MEIKIN: variants seen among roughly 807,000 people sequenced by gnomAD.
The protein encoded by MEIKIN is meiosis-specific kinetochore protein.
At chr5:131,885,130 G>A (rs1750757343) in intron 8 of MEIKIN, among the ~76,000 whole-genome samples, 1 of 152,156 alleles carries the variant, frequency 6.6e-6, no homozygotes, top group Non-Finnish European at 1.5e-5. Context: ...AAGGACATAA[G>A]CTTAGTTGGC....
At chr5:131,864,083 G>A (rs1358532761) in intron 9 of MEIKIN, among the ~76,000 whole-genome samples, 1 of 152,064 alleles carries the variant, frequency 6.6e-6, no homozygotes, top group Non-Finnish European at 1.5e-5. Flanking sequence ...CTTGTAGGCA[G>A]CATATAGTTG....
At chr5:131,896,042 T>C (rs1016102165) in intron 8 of MEIKIN, among the ~76,000 whole-genome samples, 3 of 152,232 alleles carry the variant, frequency 2.0e-5, no homozygotes, top group Non-Finnish European at 4.4e-5. Context: ...AATTGCCCTC[T>C]ACATACTGCT....
chr5:131,873,472 A>C (rs569144749), intron 9 of MEIKIN, among the ~76,000 whole-genome samples: 2 of 152,364 alleles, frequency 1.3e-5, no homozygotes, highest in Admixed American at 1.3e-4. Flanking sequence ...ATATGCACCC[A>C]ATATAGGAGC....
Position 131,927,467 on chromosome 5 carries a change from T to C in MEIKIN, c.479-5526A>G, listed in dbSNP as rs77388663. On this transcript the variant is annotated intron_variant, in intron 5 of 12. Transcript: ENST00000442687. ...TGTCAGGTAGAATGTTTTGTATACATGTTAGGTCCATGTTGTCTATAGCGC... is the reference window on the plus strand; with the variant it reads ...TGTCAGGTAGAATGTTTTGTATACACGTTAGGTCCATGTTGTCTATAGCGC... Among the ~76,000 whole-genome samples the C allele has an allele frequency of 9.3e-3, 1,415 of 152,302 alleles. 23 individuals carry two copies. The highest frequency in any genetic ancestry group is 0.032 in the African/African-American group (1,310 of 41,546).
chr5:131,917,348 C>T lies in MEIKIN; in HGVS notation c.599-423G>A, dbSNP rs1414605165. Among the ~76,000 whole-genome samples the T allele has an allele frequency of 7.2e-5, 11 of 152,072 alleles. No homozygotes were observed. In the East Asian group the frequency reaches 2.1e-3, roughly 29 times the overall value. On this transcript the variant is annotated intron_variant, in intron 6 of 12. Coordinates refer to ENST00000442687, the MANE Select transcript of MEIKIN (RefSeq NM_001303622.2). ...TTGGGGACCGAGGCAGGTGGATCAC[C>T]TGAGGTCAGGCGTTCAAGACCAGCC...
chr5:131,896,268 G>C (rs185800669), intron 8 of MEIKIN, among the ~76,000 whole-genome samples: 89 of 152,238 alleles, frequency 5.8e-4, no homozygotes, highest in Non-Finnish European at 9.3e-4. Flanking sequence ...TGTGATTTCT[G>C]TTCTTTTTCA....
intron 5 of MEIKIN, among the ~76,000 whole-genome samples, chr5:131,923,052 C>T (rs1179718339): frequency 6.6e-5 from 10 of 152,246 alleles, no homozygotes; most frequent in African/African-American, 2.2e-4. Context: ...CCACCACACC[C>T]GGCTAATATT....
At chr5:131,894,061 G>A (rs530549755) in intron 8 of MEIKIN, among the ~76,000 whole-genome samples, 59 of 152,136 alleles carry the variant, frequency 3.9e-4, no homozygotes, top group Non-Finnish European at 7.8e-4. Context: ...AATCCATCTT[G>A]AATTAATTTT....
intron 11 of MEIKIN, among the ~76,000 whole-genome samples, chr5:131,822,678 T>C (rs1749535690): frequency 6.6e-6 from 1 of 152,368 alleles, no homozygotes; most frequent in African/African-American, 2.4e-5. Flanking sequence ...ACTGGTTCAC[T>C]GTTTAGTGTT....
At chr5:131,853,223 A>G (rs916214411) in intron 10 of MEIKIN, among the ~76,000 whole-genome samples, 1 of 152,222 alleles carries the variant, frequency 6.6e-6, no homozygotes, top group Non-Finnish European at 1.5e-5. Flanking sequence ...AAAAGCTAAA[A>G]TACTTTGAGT....
intron 11 of MEIKIN, among the ~76,000 whole-genome samples, chr5:131,837,359 A>G (rs1350493117): frequency 1.3e-5 from 2 of 152,072 alleles, no homozygotes; most frequent in African/African-American, 4.8e-5. Flanking sequence ...TTATGTTTTC[A>G]TACGTATTTT....
intron 12 of MEIKIN, among the ~76,000 whole-genome samples, chr5:131,807,953 C>G (rs1772876679): frequency 6.6e-6 from 1 of 152,192 alleles, no homozygotes; most frequent in African/African-American, 2.4e-5. Flanking sequence ...ATCAGACAAC[C>G]AGGAAGGTAT....
chr5:131,925,846 T>C (rs1751578984), intron 5 of MEIKIN, among the ~76,000 whole-genome samples: 1 of 152,048 alleles, frequency 6.6e-6, no homozygotes, highest in East Asian at 1.9e-4. Context: ...TTTTGTATTT[T>C]TAGTAGAGAA....
intron 11 of MEIKIN, among the ~76,000 whole-genome samples, chr5:131,844,880 C>T (rs955888051): frequency 1.3e-5 from 2 of 151,902 alleles, no homozygotes; most frequent in African/African-American, 4.8e-5. Flanking sequence ...AATATGCAAA[C>T]CTCAGAAAAG....
chr5:131,885,778 G>A (rs569106222), intron 8 of MEIKIN, among the ~76,000 whole-genome samples: 2 of 152,240 alleles, frequency 1.3e-5, no homozygotes, highest in East Asian at 3.9e-4. Flanking sequence ...AGCCACAGAG[G>A]GGTAGAGCAC....
At chr5:131,812,730 G>A (rs1773017998) in intron 12 of MEIKIN, among the ~76,000 whole-genome samples, 1 of 152,218 alleles carries the variant, frequency 6.6e-6, no homozygotes, top group Non-Finnish European at 1.5e-5. Flanking sequence ...TCTGAAAATT[G>A]TGCCAAATGA....
rs140768182 is a variant in MEIKIN at position 131,824,916 on chromosome 5, T to C, written c.976-6053A>G. On this transcript the variant is annotated intron_variant, in intron 11 of 12. Coordinates refer to ENST00000442687, the MANE Select transcript of MEIKIN (RefSeq NM_001303622.2). ...AAATTAATAATCAAGCCAGGTGCAG[T>C]GGCTTACACCTGTAAACCCAGTACT... 3.7e-3 allele frequency among the ~76,000 whole-genome samples: 569 copies of C among 152,144 alleles called. 4 individuals are homozygous for C. The highest frequency in any genetic ancestry group is 0.013 in the African/African-American group (539 of 41,488).
chr5:131,840,898 T>C (rs1161071883), intron 11 of MEIKIN, among the ~76,000 whole-genome samples: 3 of 152,234 alleles, frequency 2.0e-5, no homozygotes, highest in Non-Finnish European at 4.4e-5. Context: ...GAGGTAGTGC[T>C]ATCGTTTGGA....
chr5:131,886,173 G>A (rs760439200), intron 8 of MEIKIN, among the ~76,000 whole-genome samples: 17 of 152,104 alleles, frequency 1.1e-4, no homozygotes, highest in Non-Finnish European at 1.9e-4. Flanking sequence ...CTAGAAAATA[G>A]CTTCGAAACG....
Sources: allele counts gnomAD v4.1 joint callset (sites outside exome capture counted in the v4.1 genomes callset), GRCh38; gene constraint gnomAD v4.1.1; transcripts MANE v1.5; gene names NCBI Gene and HGNC (gene_info 2026-07-23, HGNC 2026-07-21).